The following ELMO1 variants were observed in gnomAD, a reference collection of about 807,000 sequenced individuals.
ELMO1 encodes the protein engulfment and cell motility 1, also known as engulfment and cell motility protein 1.
Under a neutral mutation model 98.9 loss-of-function variants are expected in ELMO1, and 26 were observed. That is an observed-to-expected ratio of 0.26 (90% CI 0.19 to 0.36). ELMO1 has a LOEUF of 0.36. Among genes scored for constraint, ELMO1 ranks in the 10% least tolerant of loss-of-function variants. The probability of loss-of-function intolerance (pLI) is 1.00; values close to 1 mark genes in which losing one functional copy is unlikely to be tolerated. For missense variants in ELMO1, 627 were observed against 935.2 expected (o/e 0.67, Z 4.30); for synonymous variants, 346 against 346.0 (o/e 1.00, Z 0.00).
At chr7:37,026,990 A>G (rs1226483418) in intron 15 of ELMO1, among the ~76,000 whole-genome samples, 1 of 151,972 alleles carries the variant, frequency 6.6e-6, no homozygotes, top group Non-Finnish European at 1.5e-5. Context: ...GGCTTTCATT[A>G]TGTTCCACTT....
intron 15 of ELMO1, among the ~76,000 whole-genome samples, chr7:37,017,967 T>A: frequency 6.6e-6 from 1 of 152,208 alleles, no homozygotes; most frequent in Middle Eastern, 3.4e-3. Context: ...TAGCGTGCCA[T>A]AGAACTTTAG....
chr7:36,922,894 C>A (rs527308216), intron 16 of ELMO1, among the ~76,000 whole-genome samples: 53 of 152,310 alleles, frequency 3.5e-4, no homozygotes, highest in Non-Finnish European at 6.5e-4. Flanking sequence ...TCCCAATGCA[C>A]CTCCTGTCTT....
chr7:37,278,755 G>A lies in ELMO1; in HGVS notation c.193-6873C>T, dbSNP rs947623255. 2.6e-5 allele frequency among the ~76,000 whole-genome samples: 4 copies of A among 152,290 alleles called. No homozygotes were observed. The South Asian group carries it at 6.2e-4, about 24-fold the overall frequency. ...TCCTGATGAATTCACCTCTGCCTGA[G>A]ACACTGACAAAGTGTTTCATGCTGA... On this transcript the variant is annotated intron_variant, in intron 4 of 21. Coordinates refer to ENST00000310758, the MANE Select transcript of ELMO1 (RefSeq NM_014800.11).
At chr7:37,397,282 T>A (rs1803336991) in intron 1 of ELMO1, among the ~76,000 whole-genome samples, 1 of 152,256 alleles carries the variant, frequency 6.6e-6, no homozygotes, top group Non-Finnish European at 1.5e-5. Flanking sequence ...TTCTTCTCTT[T>A]TGAATAACAA....
chr7:36,943,568 A>G (rs913954077), intron 16 of ELMO1, among the ~76,000 whole-genome samples: 9 of 152,238 alleles, frequency 5.9e-5, no homozygotes, highest in African/African-American at 2.2e-4. Context: ...TATCCCCAGA[A>G]TCTGGCATAG....
chr7:37,003,742 C>T (rs1412938340), intron 16 of ELMO1, among the ~76,000 whole-genome samples: 1 of 152,200 alleles, frequency 6.6e-6, no homozygotes, highest in Non-Finnish European at 1.5e-5. Flanking sequence ...CTACCAAGCA[C>T]CTGGATCTGG....
intron 2 of ELMO1, among the ~76,000 whole-genome samples, chr7:37,316,742 C>A (rs906058387): frequency 2.0e-5 from 3 of 152,068 alleles, no homozygotes; most frequent in Non-Finnish European, 4.4e-5. Flanking sequence ...ACCCAAAGAA[C>A]AAATCACAGA....
chr7:37,087,975 T>C (rs905996301), intron 15 of ELMO1, among the ~76,000 whole-genome samples: 1 of 152,162 alleles, frequency 6.6e-6, no homozygotes, highest in Non-Finnish European at 1.5e-5. Context: ...CAAACGATGC[T>C]TGAGATGAAC....
chr7:37,104,382 CTGCTGGGAGG>C (rs917567839), intron 14 of ELMO1, among the ~76,000 whole-genome samples: 5 of 151,788 alleles, frequency 3.3e-5, no homozygotes, highest in African/African-American at 1.2e-4. Flanking sequence ...TGAACGCAGG[CTGCTGGGAGG>C]CTCCCCTAGG....
intron 5 of ELMO1, among the ~76,000 whole-genome samples, 184 bp from the exon 6 acceptor site, chr7:37,259,534 G>T (rs1038523861): frequency 3.3e-5 from 5 of 152,190 alleles, no homozygotes; most frequent in African/African-American, 9.6e-5. Flanking sequence ...CCTTCAGAGC[G>T]AGGTCTGCTC....
At chr7:36,900,181 C>T (rs1025414206) in intron 16 of ELMO1, among the ~76,000 whole-genome samples, 4 of 152,154 alleles carry the variant, frequency 2.6e-5, no homozygotes, top group African/African-American at 9.7e-5. Context: ...TGAGAACCAC[C>T]GATTTCAGCA....
chr7:37,367,968 C>T (rs1801970982), intron 1 of ELMO1, among the ~76,000 whole-genome samples: 1 of 152,126 alleles, frequency 6.6e-6, no homozygotes, highest in Non-Finnish European at 1.5e-5. Flanking sequence ...GACCAATACA[C>T]AAGTCAATCA....
intron 14 of ELMO1, among the ~76,000 whole-genome samples, chr7:37,113,317 G>GT (rs1227429276): frequency 6.6e-6 from 1 of 152,230 alleles, no homozygotes; most frequent in African/African-American, 2.4e-5. Flanking sequence ...GGGTACCGCA[G>GT]TGACACCATG....
At chr7:37,260,801 T>G (rs926442292) in intron 5 of ELMO1, among the ~76,000 whole-genome samples, 3 of 152,164 alleles carry the variant, frequency 2.0e-5, no homozygotes, top group African/African-American at 7.2e-5. Context: ...CCTCCCTACT[T>G]ATCTATTCAC....
intron 13 of ELMO1, among the ~76,000 whole-genome samples, chr7:37,205,373 CT>C (rs951204682): frequency 2.0e-5 from 3 of 152,168 alleles, no homozygotes; most frequent in Non-Finnish European, 2.9e-5. Context: ...ATGTGTGTTT[CT>C]GTTTAAAGAC....
Position 37,127,426 on chromosome 7 carries a change from C to G in ELMO1, c.1191+5704G>C, listed in dbSNP as rs529027482. 5.3e-5 allele frequency among the ~76,000 whole-genome samples: 8 copies of G among 152,162 alleles called. No individual in the cohort carries two copies. The South Asian group carries it at 1.7e-3, about 32-fold the overall frequency. On this transcript the variant is annotated intron_variant, in intron 14 of 21. Transcript: ENST00000310758. ...CCTCATCATACTCCAAGCCCAGAGA[C>G]GAGGCTACAGAACTGGAAGAAGCCT... is the stretch of plus-strand genomic sequence containing the variant.
rs1802115547 is a variant in ELMO1, at chr7:36,855,303, C to T, written c.*248G>A. The T allele has an allele frequency of 5.6e-6, 3 of 531,168 alleles. No homozygotes were observed. The highest frequency in any genetic ancestry group is 1.0e-5 in the Non-Finnish European group (3 of 294,566). 32.9% of individuals were successfully genotyped at this position (531,168 alleles called of 1,614,324 possible). A position where few individuals can be genotyped will look rare whatever the true frequency, so the allele number is the denominator to read the frequency against. ...TACTGGCAGTGGGCTTTGCTCTTGT[C>T]CCACCAGTGGACTGCAGCCATGGGA... On this transcript the variant is annotated 3_prime_UTR_variant, in exon 22 of 22. Coordinates refer to ENST00000310758, the MANE Select transcript of ELMO1 (RefSeq NM_014800.11). The surrounding 1 kb of genome is among the most constrained non-coding windows in gnomAD (Gnocchi z 4.2).
intron 15 of ELMO1, among the ~76,000 whole-genome samples, chr7:37,072,553 C>T (rs1797336254): frequency 1.3e-5 from 2 of 152,172 alleles, no homozygotes; most frequent in Admixed American, 1.3e-4. Context: ...ACTCGGAATG[C>T]AAATCAATAT....
chr7:37,229,831 T>C (rs1442773902), intron 8 of ELMO1, among the ~76,000 whole-genome samples: 3 of 152,254 alleles, frequency 2.0e-5, no homozygotes, highest in African/African-American at 7.2e-5. Context: ...AATGTGCTGC[T>C]TTTTAAAAAA....
Sources: allele counts gnomAD v4.1 joint callset (sites outside exome capture counted in the v4.1 genomes callset), GRCh38; gene constraint gnomAD v4.1.1; non-coding constraint Gnocchi (gnomAD v3.1); transcripts MANE v1.5; gene names NCBI Gene and HGNC (gene_info 2026-07-23, HGNC 2026-07-21).